Variants in RBFOX1 observed in about 807,000 individuals in gnomAD.
RBFOX1 encodes RNA binding fox-1 homolog 1.
RBFOX1 carries 8 observed loss-of-function variants against 57.7 expected under a neutral mutation model. That is an observed-to-expected ratio of 0.14 (90% CI 0.08 to 0.25). The LOEUF is 0.25. Ranked by LOEUF, RBFOX1 falls within the 10% of genes least tolerant of loss-of-function variation. The probability of loss-of-function intolerance (pLI) is 1.00; values close to 1 mark genes in which losing one functional copy is unlikely to be tolerated. For synonymous variants in RBFOX1, 326 were observed against 222.4 expected (o/e 1.47, Z -4.15); for missense variants, 611 against 548.5 (o/e 1.11, Z -1.14).
intron 2 of RBFOX1, among the ~76,000 whole-genome samples, chr16:5,565,455 G>T (rs1217273314): frequency 1.3e-5 from 2 of 151,898 alleles, no homozygotes; most frequent in Non-Finnish European, 2.9e-5. Context: ...GAGAAAGCCT[G>T]TGTCTACTAA....
At chr16:6,604,084 TG>T (rs905103413) in intron 2 of RBFOX1, among the ~76,000 whole-genome samples, 2 of 152,106 alleles carry the variant, frequency 1.3e-5, no homozygotes, top group African/African-American at 4.8e-5. Context: ...GATCCCTTTT[TG>T]GTTCCTTCCT....
intron 4 of RBFOX1, among the ~76,000 whole-genome samples, chr16:7,353,015 C>G (rs867789943): frequency 1.3e-5 from 2 of 152,086 alleles, no homozygotes; most frequent in Non-Finnish European, 2.9e-5. Flanking sequence ...TGCACCCAGC[C>G]CATACCACTT....
intron 2 of RBFOX1, among the ~76,000 whole-genome samples, chr16:5,477,539 G>C (rs925725033): frequency 6.6e-6 from 1 of 152,178 alleles, no homozygotes; most frequent in Non-Finnish European, 1.5e-5. Context: ...TGCACGGGCT[G>C]TTTCTCTTAA....
chr16:7,339,912 G>C (rs1306519130), intron 4 of RBFOX1, among the ~76,000 whole-genome samples: 1 of 152,188 alleles, frequency 6.6e-6, no homozygotes, highest in Non-Finnish European at 1.5e-5. Flanking sequence ...ATCTCTACTT[G>C]ATCCTCACTC....
rs557134088 is a variant in RBFOX1, at chr16:5,771,660, C to T, written c.319-95643C>T. Among the ~76,000 whole-genome samples, 50 of 152,258 alleles carry T rather than the reference C, an allele frequency of 3.3e-4. 1 individual carries two copies. The East Asian group carries it at 7.7e-3, about 24-fold the overall frequency. On this transcript the variant is annotated intron_variant, in intron 3 of 19. Coordinates refer to the RBFOX1 transcript ENST00000641259. ...CTAGCCTCATGTGATCCAACTGCTT[C>T]GGCCTCCCAGAGTGTTGGGATGACA...
At chr16:6,053,178 G>A (rs2095574239) in intron 1 of RBFOX1, among the ~76,000 whole-genome samples, 1 of 152,180 alleles carries the variant, frequency 6.6e-6, no homozygotes, top group Non-Finnish European at 1.5e-5. Context: ...TTGTGCCATG[G>A]ATGTAGCAGA....
intron 14 of RBFOX1, among the ~76,000 whole-genome samples, chr16:7,685,889 T>C (rs2075959259): frequency 6.6e-6 from 1 of 152,014 alleles, no homozygotes; most frequent in Non-Finnish European, 1.5e-5. Flanking sequence ...TAGCAAATCA[T>C]TGCTGTTGAT....
intron 1 of RBFOX1, chr16:5,289,343 C>T (rs903307787): frequency 9.9e-6 from 4 of 405,642 alleles, no homozygotes; most frequent in Non-Finnish European, 1.9e-5. Flanking sequence ...GGCATCACCC[C>T]AGGAGGAGGA....
At chr16:5,990,599 G>T (rs1567228201) in intron 4 of RBFOX1, among the ~76,000 whole-genome samples, 1 of 152,172 alleles carries the variant, frequency 6.6e-6, no homozygotes, top group Non-Finnish European at 1.5e-5. Context: ...ATGGACTATA[G>T]CTTTTTCAGA....
chr16:6,977,061 G>A (rs1270417435), intron 3 of RBFOX1, among the ~76,000 whole-genome samples: 1 of 134,766 alleles, frequency 7.4e-6, no homozygotes, highest in African/African-American at 2.7e-5. Context: ...TCATGTATGA[G>A]ATATACTTTA....
chr16:6,542,272 C>G (rs1428499090), intron 2 of RBFOX1, among the ~76,000 whole-genome samples: 1 of 151,926 alleles, frequency 6.6e-6, no homozygotes, highest in African/African-American at 2.4e-5. Context: ...CCATTCCTGA[C>G]CAGAGGTCAG....
At chr16:5,732,363 T>A (rs566190758) in intron 3 of RBFOX1, among the ~76,000 whole-genome samples, 3 of 152,326 alleles carry the variant, frequency 2.0e-5, no homozygotes, top group South Asian at 4.1e-4. Flanking sequence ...ACTGCCGGAC[T>A]GAAGATTCTC....
chr16:6,850,127 C>A (rs11866481), intron 3 of RBFOX1, among the ~76,000 whole-genome samples: 1 of 152,138 alleles, frequency 6.6e-6, no homozygotes, highest in Admixed American at 6.5e-5. Context: ...CTAAAGTAAA[C>A]TTACAAGTTC....
At chr16:6,185,757 T>C (rs753577364) in intron 1 of RBFOX1, among the ~76,000 whole-genome samples, 2 of 152,224 alleles carry the variant, frequency 1.3e-5, no homozygotes, top group Non-Finnish European at 2.9e-5. Context: ...TAAAACACTA[T>C]AATTTCATGT....
intron 1 of RBFOX1, among the ~76,000 whole-genome samples, chr16:5,335,900 C>T (rs780549214): frequency 6.6e-6 from 1 of 152,048 alleles, no homozygotes; most frequent in East Asian, 1.9e-4. Flanking sequence ...ATTATACCTG[C>T]CATATATGGA....
In RBFOX1 at chr16:6,096,068, C is replaced by T. The variant is rs141212410; in HGVS notation, c.-127+76076C>T. On this transcript the variant is annotated intron_variant, in intron 1 of 15. Transcript: ENST00000550418. ...GGAAGTCTCATCATGTGTCACTTTGCCTTTGACTCCGTGTTGCCATGGAAA... is the reference window on the plus strand; with the variant it reads ...GGAAGTCTCATCATGTGTCACTTTGTCTTTGACTCCGTGTTGCCATGGAAA... 9.4e-3 allele frequency among the ~76,000 whole-genome samples: 1,425 copies of T among 152,320 alleles called. 21 individuals carry two copies. The highest frequency in any genetic ancestry group is 0.032 in the African/African-American group (1,334 of 41,576).
intron 1 of RBFOX1, among the ~76,000 whole-genome samples, chr16:6,150,844 G>A (rs891993465): frequency 1.3e-5 from 2 of 152,260 alleles, no homozygotes; most frequent in South Asian, 2.1e-4. Flanking sequence ...TTCCTCACCT[G>A]AGACCATTTG....
intron 3 of RBFOX1, among the ~76,000 whole-genome samples, chr16:7,000,592 C>CTTTCTTTTTTTTTTT (rs2092695710): frequency 1.2e-5 from 1 of 84,052 alleles, no homozygotes; most frequent in African/African-American, 4.2e-5. Flanking sequence ...CTTTCTTTTT[C>CTTTCTTTTTTTTTTT]TTTCTTTTTT....
rs140164924 is a variant in RBFOX1, at chr16:7,015,260, A to G, written c.-15-36797A>G. Reference sequence around the variant, plus strand: ...ATAGGCGCTGAGGCTATGGGTGAGCATATGGCCTGGGACTGCAAATCAGAA... The same window carrying G: ...ATAGGCGCTGAGGCTATGGGTGAGCGTATGGCCTGGGACTGCAAATCAGAA... On this transcript the variant is annotated intron_variant, in intron 3 of 15. Transcript: ENST00000550418. 3.6e-3 allele frequency among the ~76,000 whole-genome samples: 550 copies of G among 152,254 alleles called. 9 individuals carry two copies. Among genetic ancestry groups the G allele is most frequent in the African/African-American group, 0.013 (525 of 41,544 alleles).
Sources: allele counts gnomAD v4.1 joint callset (sites outside exome capture counted in the v4.1 genomes callset), GRCh38; gene constraint gnomAD v4.1.1; transcripts MANE v1.5; gene names NCBI Gene and HGNC (gene_info 2026-07-23, HGNC 2026-07-21).